Variants in VPS35L observed in about 807,000 individuals in gnomAD.
VPS35L encodes the protein VPS35 endosomal protein sorting factor like.
VPS35L carries 83 observed loss-of-function variants against 133.0 expected under a neutral mutation model. The observed-to-expected ratio is 0.62, with a 90% CI of 0.52 to 0.75. The LOEUF (loss-of-function observed/expected upper bound fraction) is 0.75, where lower values mean the gene tolerates loss of function less well. Ranked by LOEUF, VPS35L falls within the 30% of genes least tolerant of loss-of-function variation. The probability of loss-of-function intolerance (pLI) is 0.00; values close to 1 mark genes in which losing one functional copy is unlikely to be tolerated. For missense variants in VPS35L, 1,083 were observed against 1,206.8 expected (o/e 0.90, Z 1.52); for synonymous variants, 423 against 449.9 (o/e 0.94, Z 0.76).
At position 19,616,577 on chromosome 16, in the gene VPS35L, C is replaced by T. The variant is rs564369041; in HGVS notation, c.1102-109C>T. ...AACCGAGAAACCAGGCTATTTCTCT[C>T]AGGGCTGTCCACATGCTTACAAGTA... On this transcript the variant is annotated intron_variant, in intron 13 of 30. Transcript: ENST00000417362. 8.1e-6 allele frequency: 11 copies of T among 1,359,248 alleles called. No individual in the cohort carries two copies. In the Admixed American group the frequency reaches 1.2e-4, roughly 15 times the overall value. 84.2% of individuals were successfully genotyped at this position (1,359,248 alleles called of 1,614,324 possible). A position where few individuals can be genotyped will look rare whatever the true frequency, so the allele number is the denominator to read the frequency against.
intron 26 of VPS35L, among the ~76,000 whole-genome samples, chr16:19,668,798 A>G (rs563356499): frequency 6.6e-6 from 1 of 152,342 alleles, no homozygotes; most frequent in South Asian, 2.1e-4. Flanking sequence ...TCTGTGAAGT[A>G]CACGTGTTGA....
Position 19,666,911 on chromosome 16 carries a change from T to TCTTCCTTTCTTCCTTTCTTC in VPS35L, c.2222-2246_2222-2245insCCTTTCTTCCTTTCTTCCTT, listed in dbSNP as rs1298668463. Among the ~76,000 whole-genome samples the TCTTCCTTTCTTCCTTTCTTC allele has an allele frequency of 1.3e-4, 7 of 53,942 alleles. 1 individual carries two copies. Among genetic ancestry groups the TCTTCCTTTCTTCCTTTCTTC allele is most frequent in the African/African-American group, 7.8e-4 (7 of 8,972 alleles). The allele number at this position is 53,942 out of a possible 152,430, so 35.4% of individuals were successfully genotyped here. A position where few individuals can be genotyped will look rare whatever the true frequency, so the allele number is the denominator to read the frequency against. The stretch of plus-strand genomic sequence containing the variant: ...TTCTTTCTTTCTTTCTTTCTTTCTT[T>TCTTCCTTTCTTCCTTTCTTC]CTTTCTTTCTTTCTTTCTTTCTTCC... On this transcript the variant is annotated intron_variant, in intron 26 of 30. Transcript: ENST00000417362.
Position 19,573,273 on chromosome 16 carries a change from C to T in VPS35L, c.408+32C>T, listed in dbSNP as rs752063213. 5 of 1,596,350 alleles carry T rather than the reference C, an allele frequency of 3.1e-6. No individual in the cohort carries two copies. In the East Asian group the frequency reaches 6.7e-5, roughly 21 times the overall value. Reference sequence around the variant, plus strand: ...ACCAGGAGACCCTCTCCAGAGTCTACTTTGGAGTTAGTAGTAATTTCTTTT... The same window carrying T: ...ACCAGGAGACCCTCTCCAGAGTCTATTTTGGAGTTAGTAGTAATTTCTTTT... On this transcript the variant is annotated intron_variant, in intron 4 of 30. Transcript: ENST00000417362.
chr16:19,667,699 A>C (rs1678622854), intron 26 of VPS35L, among the ~76,000 whole-genome samples: 1 of 150,782 alleles, frequency 6.6e-6, no homozygotes, highest in East Asian at 2.0e-4. Flanking sequence ...ACACCGTTGC[A>C]CTTCAGCCTG....
At chr16:19,612,495 C>G (rs1272570223) in intron 12 of VPS35L, among the ~76,000 whole-genome samples, 1 of 152,210 alleles carries the variant, frequency 6.6e-6, no homozygotes, top group Non-Finnish European at 1.5e-5. Flanking sequence ...TTCAGGTAAT[C>G]TGCCTTCCCC....
chr16:19,697,475 T>C (rs942395962), intron 29 of VPS35L, among the ~76,000 whole-genome samples: 4 of 151,966 alleles, frequency 2.6e-5, no homozygotes, highest in Non-Finnish European at 5.9e-5. Context: ...GCTGGGACAA[T>C]AGGTGTGTGC....
chr16:19,568,015 C>T (rs1166379865), intron 2 of VPS35L, among the ~76,000 whole-genome samples: 1 of 151,662 alleles, frequency 6.6e-6, no homozygotes, highest in African/African-American at 2.4e-5. Flanking sequence ...ACTCCAACTT[C>T]GCTACACATT....
rs769792894 is a variant in VPS35L at position 19,628,678 on chromosome 16, T to G, written c.1425T>G (p.Ala475=). 8.1e-6 allele frequency: 13 copies of G among 1,604,824 alleles called. No homozygotes were observed. Among genetic ancestry groups the G allele is most frequent in the Non-Finnish European group, 1.1e-5 (13 of 1,174,146 alleles). ...FRSLGLNLAL[A]DPPESDRLQI... is the part of the protein sequence containing the mutation. ...CACTGGGATTAAACTTGGCCTTGGC[T>G]GATCCTCCTGAGAGTGACCGACTTC... The change falls in exon 17 of 31, where the codon GCT becomes GCG. Residue 475 remains alanine (A), a synonymous_variant. Coordinates refer to ENST00000417362, the MANE Select transcript of VPS35L (RefSeq NM_020314.7).
chr16:19,674,469 T>TTG (rs1446222585), intron 27 of VPS35L, among the ~76,000 whole-genome samples: 3 of 151,366 alleles, frequency 2.0e-5, no homozygotes, highest in Non-Finnish European at 4.4e-5. Flanking sequence ...GTGCTGGGAT[T>TTG]TGTGCTGGGA....
At chr16:19,694,724 G>A (rs924802834) in intron 29 of VPS35L, among the ~76,000 whole-genome samples, 3 of 152,146 alleles carry the variant, frequency 2.0e-5, no homozygotes, top group Non-Finnish European at 4.4e-5. Context: ...ACTGAGCTTG[G>A]CCGGGCACGG....
chr16:19,679,565 G>A (rs1975193991), intron 27 of VPS35L, among the ~76,000 whole-genome samples: 1 of 151,560 alleles, frequency 6.6e-6, no homozygotes, highest in Non-Finnish European at 1.5e-5. Flanking sequence ...CAGTGCAGTA[G>A]TGTGATCTCT....
intron 8 of VPS35L, among the ~76,000 whole-genome samples, chr16:19,594,644 CAAAAAAAAAAAAAAAAAA>C (rs57187565): frequency 6.3e-5 from 2 of 31,498 alleles, no homozygotes; most frequent in African/African-American, 2.1e-4. Flanking sequence ...GATTTCGTCT[CAAAAAAAAAAAAAAAAAA>C]AAAAAAAAAG....
At chr16:19,640,570 TGTTTA>T (rs1045864625) in intron 21 of VPS35L, among the ~76,000 whole-genome samples, 2 of 152,252 alleles carry the variant, frequency 1.3e-5, no homozygotes, top group African/African-American at 4.8e-5. Flanking sequence ...TCATCTTCAG[TGTTTA>T]GTTATGTAGC....
intron 14 of VPS35L, chr16:19,618,165 A>G (rs1972958752): frequency 6.6e-6 from 1 of 151,894 alleles, no homozygotes; most frequent in African/African-American, 2.4e-5. Context: ...GTAAAGAGAG[A>G]CTACAAAACA....
chr16:19,643,785 TA>T (rs35161194), intron 22 of VPS35L, among the ~76,000 whole-genome samples: 8,501 of 144,098 alleles, frequency 0.059, 630 homozygotes, highest in African/African-American at 0.17. Flanking sequence ...GTCTCTACTT[TA>T]AAAAAAAAAA....
At chr16:19,665,659 G>A (rs1489326797) in intron 26 of VPS35L, among the ~76,000 whole-genome samples, 6 of 152,184 alleles carry the variant, frequency 3.9e-5, no homozygotes, top group South Asian at 4.1e-4. Context: ...ATATCTCTTC[G>A]ATATACTGAT....
intron 8 of VPS35L, among the ~76,000 whole-genome samples, chr16:19,596,348 C>T (rs9928109): frequency 6.6e-6 from 1 of 151,532 alleles, no homozygotes; most frequent in Non-Finnish European, 1.5e-5. Flanking sequence ...GATCATGGCT[C>T]ACTGCAGCCT....
rs116093186 is a variant in VPS35L, at chr16:19,574,352, G to A, written c.409-746G>A. Among the ~76,000 whole-genome samples the A allele has an allele frequency of 1.9e-3, 292 of 152,264 alleles. 1 individual carries two copies. The highest frequency in any genetic ancestry group is 6.5e-3 in the African/African-American group (271 of 41,560). ...CTCCCATTTAGGAAGACTTCTTGGG[G>A]TCCCGCAACACTTTTAGTTACATTT... On this transcript the variant is annotated intron_variant, in intron 4 of 30. Coordinates refer to ENST00000417362, the MANE Select transcript of VPS35L (RefSeq NM_020314.7).
chr16:19,685,002 A>G (rs1333644819), intron 28 of VPS35L, among the ~76,000 whole-genome samples: 1 of 151,992 alleles, frequency 6.6e-6, no homozygotes, highest in Non-Finnish European at 1.5e-5. Context: ...CAGTGAGCCA[A>G]GATCACACCA....
Sources: gnomAD v4.1 joint callset for allele counts (sites outside exome capture counted in the v4.1 genomes callset) on GRCh38, gnomAD v4.1.1 for gene constraint, MANE v1.5 for transcripts, NCBI Gene and HGNC (gene_info 2026-07-23, HGNC 2026-07-21) for gene names.